IGF2BP3: variants seen among roughly 807,000 people sequenced by gnomAD.
IGF2BP3 encodes the protein insulin like growth factor 2 mRNA binding protein 3, also known as insulin-like growth factor 2 mRNA-binding protein 3.
Under a neutral mutation model 73.8 loss-of-function variants are expected in IGF2BP3, and 9 were observed. The ratio of observed to expected loss-of-function variants is 0.12; its 90% CI spans 0.07 to 0.21. The LOEUF is 0.21. Among genes scored for constraint, IGF2BP3 ranks in the 10% least tolerant of loss-of-function variants. The probability of loss-of-function intolerance (pLI) is 1.00; values close to 1 mark genes in which losing one functional copy is unlikely to be tolerated. For missense variants in IGF2BP3, 542 were observed against 714.0 expected, an observed-to-expected ratio of 0.76 and a Z score of 2.75; for synonymous variants, 258 against 256.7, an observed-to-expected ratio of 1.01 and a Z score of -0.05.
intron 3 of IGF2BP3, among the ~76,000 whole-genome samples, chr7:23,385,089 G>A (rs1186729309): frequency 1.3e-5 from 2 of 152,020 alleles, no homozygotes; most frequent in Non-Finnish European, 2.9e-5. Context: ...ATAGTATCTG[G>A]GAGTTTCTCT....
chr7:23,365,351 A>C (rs1303999426), intron 3 of IGF2BP3, among the ~76,000 whole-genome samples: 1 of 152,166 alleles, frequency 6.6e-6, no homozygotes, highest in East Asian at 1.9e-4. Flanking sequence ...TAAGTATATT[A>C]GTCTCCACAC....
At chr7:23,343,471 C>T (rs890295200) in intron 9 of IGF2BP3, among the ~76,000 whole-genome samples, 28 of 152,128 alleles carry the variant, frequency 1.8e-4, no homozygotes, top group African/African-American at 6.8e-4. Flanking sequence ...TAGACACTAG[C>T]CTTACTTCAG....
chr7:23,372,401 T>C (rs1785581570), intron 3 of IGF2BP3, among the ~76,000 whole-genome samples: 1 of 152,120 alleles, frequency 6.6e-6, no homozygotes, highest in Non-Finnish European at 1.5e-5. Flanking sequence ...AGTGGTGATT[T>C]CTGAGATTTT....
chr7:23,349,177 G>A (rs1784901486), intron 6 of IGF2BP3, among the ~76,000 whole-genome samples: 1 of 152,080 alleles, frequency 6.6e-6, no homozygotes, highest in South Asian at 2.1e-4. Context: ...AAAAATATGT[G>A]TTTTTGGGAA....
At position 23,341,943 on chromosome 7, in the gene IGF2BP3, A is replaced by G. The variant is rs540284199; in HGVS notation, c.1203+121T>C. ...TCTACTCCACAAAGGGCCAAATAAG[A>G]AGGCTCCATTAGCAAGAACTGGAGA... On this transcript the variant is annotated intron_variant, in intron 10 of 14. Transcript: ENST00000258729. The G allele has an allele frequency of 6.3e-6, 7 of 1,119,702 alleles. No individual in the cohort carries two copies. In the African/African-American group the frequency reaches 1.1e-4, roughly 18 times the overall value. The allele number at this position is 1,119,702 out of a possible 1,614,324, so 69.4% of individuals were successfully genotyped here.
intron 2 of IGF2BP3, among the ~76,000 whole-genome samples, chr7:23,432,842 G>C (rs117163136): frequency 6.6e-6 from 1 of 152,098 alleles, no homozygotes; most frequent in Admixed American, 6.6e-5. Flanking sequence ...GTTTCACCAC[G>C]TTGCCCAGAC....
rs1784823747 is a variant in IGF2BP3, at chr7:23,346,169, G to A, written c.819-107C>T. On this transcript the variant is annotated intron_variant, in intron 7 of 14. Coordinates refer to ENST00000258729, the MANE Select transcript of IGF2BP3 (RefSeq NM_006547.3). The stretch of plus-strand genomic sequence containing the variant: ...TTACTTCCTACCTACCATCTGGGAA[G>A]CACTGTGTTAGGTACAGCTTAAAAC... 2.9e-5 allele frequency: 38 copies of A among 1,291,078 alleles called. 1 individual carries two copies. The South Asian group carries it at 5.3e-4, about 18-fold the overall frequency. The allele number at this position is 1,291,078 out of a possible 1,614,324, so 80.0% of individuals were successfully genotyped here.
chr7:23,385,107 A>C (rs984165198), intron 3 of IGF2BP3, among the ~76,000 whole-genome samples: 6 of 152,226 alleles, frequency 3.9e-5, no homozygotes, highest in Non-Finnish European at 7.3e-5. Context: ...TCTTTATAGA[A>C]GTGTTTCAAT....
chr7:23,416,464 A>G (rs1047729126), intron 3 of IGF2BP3, among the ~76,000 whole-genome samples: 1 of 152,200 alleles, frequency 6.6e-6, no homozygotes, highest in Non-Finnish European at 1.5e-5. Flanking sequence ...TCTTTGATGC[A>G]TCATTTAATT....
At chr7:23,380,673 A>T (rs925927656) in intron 3 of IGF2BP3, among the ~76,000 whole-genome samples, 1 of 152,230 alleles carries the variant, frequency 6.6e-6, no homozygotes, top group Non-Finnish European at 1.5e-5. Flanking sequence ...AGCGCCCTTT[A>T]AAAATTCACC....
chr7:23,398,065 G>A (rs1390789220), intron 3 of IGF2BP3, among the ~76,000 whole-genome samples: 10 of 92,554 alleles, frequency 1.1e-4, no homozygotes, highest in East Asian at 2.7e-4. Flanking sequence ...CCCTCCCCCC[G>A]CCCCACCCCA....
chr7:23,421,127 A>T (rs923545739), intron 2 of IGF2BP3, among the ~76,000 whole-genome samples: 1 of 152,030 alleles, frequency 6.6e-6, no homozygotes, highest in Non-Finnish European at 1.5e-5. Flanking sequence ...CTCCCACCTC[A>T]GCCTCCTGCG....
chr7:23,417,735 C>A (rs1787232921), intron 3 of IGF2BP3, among the ~76,000 whole-genome samples: 2 of 152,138 alleles, frequency 1.3e-5, no homozygotes, highest in Non-Finnish European at 2.9e-5. Flanking sequence ...GAGGACCTAT[C>A]CCACAAGCTA....
chr7:23,406,273 G>T (rs1039807604), intron 3 of IGF2BP3, among the ~76,000 whole-genome samples: 1 of 152,054 alleles, frequency 6.6e-6, no homozygotes, highest in Non-Finnish European at 1.5e-5. Flanking sequence ...GCACAACCAC[G>T]CAAGGTATCT....
chr7:23,351,479 C>T lies in IGF2BP3; in HGVS notation c.509G>A (p.Gly170Asp), dbSNP rs1004450085. ...AQQNPLQQPR[G>D]RRGLGQRGSS... is the part of the protein sequence containing the mutation. ...GCCCCTCTGCCCAAGCCCCCGGCGACCTCGGGGCTGCTGCAAGGGGTTTTG... is the reference window on the plus strand; with the variant it reads ...GCCCCTCTGCCCAAGCCCCCGGCGATCTCGGGGCTGCTGCAAGGGGTTTTG... The change falls in exon 6 of 15, where the codon GGT becomes GAT. Residue 170 changes from glycine (G) to aspartate (D), a missense_variant. Gly to Asp is a moderately conservative substitution (Grantham distance 94). Transcript: ENST00000258729. The T allele has an allele frequency of 1.7e-5, 27 of 1,613,868 alleles. No homozygotes were observed. The highest frequency in any genetic ancestry group is 1.9e-5 in the Non-Finnish European group (23 of 1,179,972).
chr7:23,324,081 T>G lies in IGF2BP3; in HGVS notation c.1204-4827A>C, dbSNP rs1462341028. Reference sequence around the variant, plus strand: ...GAAATAACTAAAATCAGAGCAGAACTGAAGGAAATAGAGACACAAAAAACC... The same window carrying G: ...GAAATAACTAAAATCAGAGCAGAACGGAAGGAAATAGAGACACAAAAAACC... On this transcript the variant is annotated intron_variant, in intron 10 of 14. Coordinates refer to ENST00000258729, the MANE Select transcript of IGF2BP3 (RefSeq NM_006547.3). Among the ~76,000 whole-genome samples, 4 of 151,466 alleles carry G rather than the reference T, an allele frequency of 2.6e-5. No individual in the cohort carries two copies. In the East Asian group the frequency reaches 7.8e-4, roughly 29 times the overall value.
chr7:23,468,568 G>A (rs748319679), intron 1 of IGF2BP3, 26 bp from the exon 2 acceptor site: 3 of 1,612,776 alleles, frequency 1.9e-6, no homozygotes, highest in Admixed American at 1.7e-5. Flanking sequence ...AAGTGAGACG[G>A]TCGGCCGAGT....
intron 2 of IGF2BP3, among the ~76,000 whole-genome samples, chr7:23,428,296 C>G (rs1031534298): frequency 6.6e-6 from 1 of 151,854 alleles, no homozygotes; most frequent in African/African-American, 2.4e-5. Flanking sequence ...ACGGTGAAAC[C>G]CCATCTCTAC....
intron 3 of IGF2BP3, among the ~76,000 whole-genome samples, chr7:23,391,419 T>C (rs893110539): frequency 2.8e-4 from 42 of 152,138 alleles, no homozygotes; most frequent in Non-Finnish European, 4.9e-4. Context: ...CCTTTTAAAA[T>C]CTCAGTTGTA....
Sources: gnomAD v4.1 joint callset for allele counts (sites outside exome capture counted in the v4.1 genomes callset) on GRCh38, gnomAD v4.1.1 for gene constraint, MANE v1.5 for transcripts, NCBI Gene and HGNC (gene_info 2026-07-23, HGNC 2026-07-21) for gene names.